BLVRB: variants seen among roughly 807,000 people sequenced by gnomAD.
The protein encoded by BLVRB is biliverdin reductase B.
A neutral mutation model predicts 21.1 loss-of-function variants in BLVRB; 25 were observed. That is an observed-to-expected ratio of 1.19 (90% CI 0.86 to 1.66). BLVRB has a LOEUF of 1.66. BLVRB is among the 40% of genes most tolerant of loss of function. The pLI, the probability that BLVRB is intolerant of heterozygous loss-of-function variation, is 0.00. For missense variants in BLVRB, 274 were observed against 282.7 expected (o/e 0.97, Z 0.22); for synonymous variants, 128 against 122.2 (o/e 1.05, Z -0.31).
At chr19:40,456,392 C>G (rs2079762200) in intron 3 of BLVRB, among the ~76,000 whole-genome samples, 1 of 150,696 alleles carries the variant, frequency 6.6e-6, no homozygotes, top group Non-Finnish European at 1.5e-5. Context: ...CACTGCACTC[C>G]AGCCTGGGTG....
At chr19:40,460,867 G>C (rs1352553990) in intron 1 of BLVRB, among the ~76,000 whole-genome samples, 1 of 152,074 alleles carries the variant, frequency 6.6e-6, no homozygotes, top group Non-Finnish European at 1.5e-5. Flanking sequence ...AGCTACTTGG[G>C]AGGCTGAGGC....
chr19:40,456,208 G>T (rs1360790462), intron 3 of BLVRB, among the ~76,000 whole-genome samples: 1 of 152,146 alleles, frequency 6.6e-6, no homozygotes, highest in Non-Finnish European at 1.5e-5. Context: ...GTGAACAGAG[G>T]ACGGTAGGTG....
In BLVRB at chr19:40,465,725, C is replaced by T. The variant is rs776304119; in HGVS notation, c.-37G>A. 16 of 1,603,242 alleles carry T rather than the reference C, an allele frequency of 1.0e-5. No homozygotes were observed. The highest frequency in any genetic ancestry group is 1.2e-5 in the Non-Finnish European group (14 of 1,173,602). On this transcript the variant is annotated 5_prime_UTR_variant, in exon 1 of 5. Coordinates refer to ENST00000263368, the MANE Select transcript of BLVRB (RefSeq NM_000713.3). ...GTGGGGGTGCAAGGCCTCAGAGTCT[C>T]GGCACGCGCGGGAACCCACTGGCTG...
intron 1 of BLVRB, among the ~76,000 whole-genome samples, chr19:40,462,377 C>G (rs1347927500): frequency 6.6e-6 from 1 of 151,050 alleles, no homozygotes; most frequent in Non-Finnish European, 1.5e-5. Flanking sequence ...CTCCCAGGTT[C>G]AAGCGATTCT....
chr19:40,465,463 C>T (rs1323383077), intron 1 of BLVRB, 147 bp downstream of exon 1: 1 of 939,290 alleles, frequency 1.1e-6, no homozygotes, highest in Non-Finnish European at 1.6e-6. Flanking sequence ...TTTCTGCCCC[C>T]GTGGCCACTT....
intron 3 of BLVRB, among the ~76,000 whole-genome samples, chr19:40,451,899 A>G (rs1183787614): frequency 6.6e-6 from 1 of 152,124 alleles, no homozygotes; most frequent in African/African-American, 2.4e-5. Flanking sequence ...TCCAGTTGCA[A>G]AAACAGGGGA....
At position 40,458,192 on chromosome 19, in the gene BLVRB, C is replaced by T. The variant is rs770038459; in HGVS notation, c.297G>A (p.Lys99=). ...EGARNIVAAM[K]AHGVDKVVAC... ...CCACGACCTTGTCCACACCATGAGC[C>T]TTCATGGCTGCCACAATGTTCCGGG... The change falls in exon 3 of 5, where the codon AAG becomes AAA. Residue 99 remains lysine (K), a synonymous_variant. Coordinates refer to ENST00000263368, the MANE Select transcript of BLVRB (RefSeq NM_000713.3). 22 of 1,613,936 alleles carry T rather than the reference C, an allele frequency of 1.4e-5. No homozygotes were observed. The Admixed American group carries it at 2.8e-4, about 21-fold the overall frequency.
At chr19:40,464,358 T>A (rs757308538) in intron 1 of BLVRB, among the ~76,000 whole-genome samples, 1 of 152,068 alleles carries the variant, frequency 6.6e-6, no homozygotes, top group Non-Finnish European at 1.5e-5. Context: ...CCTCCCAAAG[T>A]GCTGGGATTA....
At chr19:40,462,084 T>C (rs1208107041) in intron 1 of BLVRB, among the ~76,000 whole-genome samples, 3 of 152,176 alleles carry the variant, frequency 2.0e-5, no homozygotes, top group African/African-American at 7.2e-5. Flanking sequence ...ACTCCAGCTC[T>C]GCCACTTACC....
At position 40,458,526 on chromosome 19, in the gene BLVRB, C is replaced by A; in HGVS notation, c.99G>T (p.Leu33=). ...AVQAGYEVTV[L]VRDSSRLPSE... is the part of the protein sequence containing the mutation. ...ATGGCAGCCTGGAGGAGTCCCGCAC[C>A]AGCACTGTCACTTCGTAACCTGTGG... Residue 33 remains leucine (L), a synonymous_variant, in exon 2 of 5, where the codon CTG becomes CTT. Transcript: ENST00000263368. 1.2e-6 allele frequency: 2 copies of A among 1,609,784 alleles called. No homozygotes were observed. Among genetic ancestry groups the A allele is most frequent in the Non-Finnish European group, 1.7e-6 (2 of 1,178,062 alleles).
At position 40,458,678 on chromosome 19, in the gene BLVRB, T is replaced by A. The variant is rs905219256; in HGVS notation, c.80-133A>T. Reference sequence around the variant, plus strand: ...GTTCTGGGGAAGTGGTCTTCAAACATTTTTGGTTTTTTCTTTTTGTTTGTT... The same window carrying A: ...GTTCTGGGGAAGTGGTCTTCAAACAATTTTGGTTTTTTCTTTTTGTTTGTT... On this transcript the variant is annotated intron_variant, in intron 1 of 4. Coordinates refer to ENST00000263368, the MANE Select transcript of BLVRB (RefSeq NM_000713.3). 3 of 1,244,214 alleles carry A rather than the reference T, an allele frequency of 2.4e-6. No individual in the cohort carries two copies. The African/African-American group carries it at 4.6e-5, about 19-fold the overall frequency. The allele number at this position is 1,244,214 out of a possible 1,614,324, so 77.1% of individuals were successfully genotyped here.
chr19:40,465,561 A>G (rs763813647), intron 1 of BLVRB, 49 bp downstream of exon 1: 1 of 1,572,708 alleles, frequency 6.4e-7, no homozygotes, highest in South Asian at 1.2e-5. Context: ...CCCTTCCTAA[A>G]GTTCTGCCCG....
At chr19:40,452,906 C>A (rs551822448) in intron 3 of BLVRB, among the ~76,000 whole-genome samples, 22,811 of 134,790 alleles carry the variant, frequency 0.17, 1,942 homozygotes, top group African/African-American at 0.21. Context: ...AAAAAAAACA[C>A]AAAAATTAGC....
chr19:40,456,444 GA>G (rs1013180576), intron 3 of BLVRB, among the ~76,000 whole-genome samples: 6 of 138,082 alleles, frequency 4.3e-5, no homozygotes, highest in South Asian at 2.3e-4. Context: ...TTTTTTTAAT[GA>G]AAAAAAAAAT....
At chr19:40,455,382 C>T (rs976249074) in intron 3 of BLVRB, among the ~76,000 whole-genome samples, 8 of 152,140 alleles carry the variant, frequency 5.3e-5, no homozygotes, top group Non-Finnish European at 7.3e-5. Context: ...TGGGACTTGC[C>T]GAAGGTGTCT....
At chr19:40,450,644 G>A (rs1348801099) in intron 4 of BLVRB, among the ~76,000 whole-genome samples, 2 of 151,220 alleles carry the variant, frequency 1.3e-5, no homozygotes, top group African/African-American at 4.9e-5. Flanking sequence ...TGATCTCCTG[G>A]GCTCAAGCCA....
At chr19:40,457,108 G>C (rs2079765114) in intron 3 of BLVRB, among the ~76,000 whole-genome samples, 1 of 151,232 alleles carries the variant, frequency 6.6e-6, no homozygotes. Flanking sequence ...CCCAGACTGA[G>C]GCTGCAGTGA....
In BLVRB at chr19:40,458,242, G is replaced by T; in HGVS notation, c.247C>A (p.Pro83Thr). 1.9e-6 allele frequency: 3 copies of T among 1,606,916 alleles called. No homozygotes were observed. Among genetic ancestry groups the T allele is most frequent in the Non-Finnish European group, 2.6e-6 (3 of 1,176,136 alleles). Residue 83 changes from proline to threonine, a missense_variant and splice_region_variant, in exon 3 of 5, where the codon CCC becomes ACC. By Grantham distance (38) the Pro-to-Thr change is conservative. Coordinates refer to ENST00000263368, the MANE Select transcript of BLVRB (RefSeq NM_000713.3). Reference protein sequence around the residue: ...VLLGTRNDLSPTTVMSEGARN... With the variant: ...VLLGTRNDLSTTTVMSEGARN... ...GCGCCCTCGGACATCACTGTCGTGG[G>T]ACCTTAGAGGGGACAGAGAGTGGCT...
rs550253462 is a variant in BLVRB, at chr19:40,448,814, G to A, written c.464-768C>T. Among the ~76,000 whole-genome samples the A allele has an allele frequency of 6.6e-5, 10 of 151,748 alleles. No homozygotes were observed. The South Asian group carries it at 2.1e-3, about 32-fold the overall frequency. Reference sequence around the variant, plus strand: ...CAGACAGGAAGCTCCTGCCCTGGCTGGGCACAGTGGCTCACGCCTGTAATC... The same window carrying A: ...CAGACAGGAAGCTCCTGCCCTGGCTAGGCACAGTGGCTCACGCCTGTAATC... On this transcript the variant is annotated intron_variant, in intron 4 of 4. Coordinates refer to ENST00000263368, the MANE Select transcript of BLVRB (RefSeq NM_000713.3).
Sources: allele counts gnomAD v4.1 joint callset (sites outside exome capture counted in the v4.1 genomes callset), GRCh38; gene constraint gnomAD v4.1.1; transcripts MANE v1.5; gene names NCBI Gene and HGNC (gene_info 2026-07-23, HGNC 2026-07-21).